The following ATPAF1 variants were observed in gnomAD, a reference collection of about 807,000 sequenced individuals.
The protein encoded by ATPAF1 is homolog of yeast ATP11.
In ATPAF1, 26 loss-of-function variants were observed where a neutral mutation model predicts 43.9. The observed-to-expected ratio is 0.59, with a 90% CI of 0.43 to 0.82. The LOEUF is 0.82. Ranked by LOEUF, ATPAF1 falls within the 40% of genes least tolerant of loss-of-function variation. ATPAF1 has a pLI of 0.00. For missense variants in ATPAF1, 366 were observed against 435.0 expected (o/e 0.84, Z 1.41); for synonymous variants, 157 against 168.0 (o/e 0.93, Z 0.50).
intron 2 of ATPAF1, among the ~76,000 whole-genome samples, chr1:46,659,841 AC>A (rs1186563900): frequency 2.0e-5 from 3 of 152,192 alleles, no homozygotes; most frequent in Non-Finnish European, 4.4e-5. Flanking sequence ...TAGAACCTGT[AC>A]CCACAAATTA....
chr1:46,633,726 A>AT (rs552037547), downstream of ATPAF1: 876 of 456,266 alleles, frequency 1.9e-3, 6 homozygotes, highest in African/African-American at 0.017. Context: ...TCCAGGAGGA[A>AT]TGATTAAAAC....
At chr1:46,633,664 A>G, downstream of ATPAF1, 1 of 447,432 alleles carries the variant, frequency 2.2e-6, no homozygotes. Flanking sequence ...GTCATGCCCC[A>G]CACATTTATC....
intron 8 of ATPAF1, among the ~76,000 whole-genome samples, chr1:46,639,168 CTT>C (rs1675900915): frequency 6.6e-6 from 1 of 152,122 alleles, no homozygotes; most frequent in South Asian, 2.1e-4. Context: ...TTTAATGACT[CTT>C]TTCATGCCCT....
At chr1:46,660,180 G>A (rs1268262921) in intron 2 of ATPAF1, among the ~76,000 whole-genome samples, 2 of 152,106 alleles carry the variant, frequency 1.3e-5, no homozygotes, top group African/African-American at 4.8e-5. Context: ...GTTTCACCAT[G>A]TTGGCCAGGC....
At chr1:46,635,908 T>C in exon 9 of ATPAF1, 3 of 1,614,262 alleles carry the variant, frequency 1.9e-6, no homozygotes, top group Non-Finnish European at 2.5e-6. Flanking sequence ...CGTAGGTCTC[T>C]TTCCGATCAG....
Position 46,653,840 on chromosome 1 carries a change from C to T in ATPAF1, c.517G>A (p.Asp173Asn). ...ACAGGAATAACTGCGTAGACTGTAT[C>T]TTTTGCTGCAAAATATTGCTGCCAA... The change falls in exon 5 of 9, where the codon GAT becomes AAT. Residue 173 changes from aspartate to asparagine, a missense_variant. Physicochemically the swap from Asp to Asn is conservative, Grantham distance 23. This residue lies in a region of ATPAF1 where 180 missense variants were observed against 266.5 expected (regional missense o/e 0.68). Transcript: ENST00000574428. The surrounding 1 kb of genome is among the most constrained non-coding windows in gnomAD (Gnocchi z 4.8). 6.2e-7 allele frequency: 1 copy of T among 1,611,122 alleles called. No homozygotes were observed. The highest frequency in any genetic ancestry group is 8.5e-7 in the Non-Finnish European group (1 of 1,178,804).
rs1449420291 is a variant in ATPAF1, at chr1:46,658,697, G to C, written c.416C>G (p.Thr139Ser). ...TAATTAGAAACCTACCTTGTCCTTAGTGAATCCTCTGTTCACAGACTGTTT... is the reference window on the plus strand; with the variant it reads ...TAATTAGAAACCTACCTTGTCCTTACTGAATCCTCTGTTCACAGACTGTTT... Residue 139 changes from threonine (T) to serine (S), a missense_variant, in exon 3 of 9, where the codon ACT becomes AGT. Around this residue, in one of 2 missense-constraint regions of ATPAF1, gnomAD observed 180 missense variants for 266.5 expected, o/e 0.68. Coordinates refer to ENST00000574428, the Ensembl canonical transcript of ATPAF1. 31 of 1,600,880 alleles carry C rather than the reference G, an allele frequency of 1.9e-5. 1 individual carries two copies. In the East Asian group the frequency reaches 6.3e-4, roughly 33 times the overall value.
At chr1:46,652,484 T>TAACTTATTAGTACAATC in intron 6 of ATPAF1, 97 bp downstream of exon 6, 365 of 1,233,994 alleles carry the variant, frequency 3.0e-4, no homozygotes, top group Non-Finnish European at 3.6e-4. Context: ...CAGAGCACTA[T>TAACTTATTAGTACAATC]AACATGTGAG....
intron 6 of ATPAF1, among the ~76,000 whole-genome samples, chr1:46,650,754 G>A (rs1015246972): frequency 2.0e-5 from 3 of 151,520 alleles, no homozygotes; most frequent in Non-Finnish European, 2.9e-5. Flanking sequence ...ATTATGTTAA[G>A]TGAAATAAGC....
chr1:46,649,688 C>T (rs1676126645), intron 6 of ATPAF1, among the ~76,000 whole-genome samples: 1 of 152,142 alleles, frequency 6.6e-6, no homozygotes, highest in Non-Finnish European at 1.5e-5. Flanking sequence ...CTTTGGGAGG[C>T]TGAGGCAGGA....
intron 8 of ATPAF1, among the ~76,000 whole-genome samples, chr1:46,639,514 G>C (rs1035764769): frequency 6.6e-6 from 1 of 152,180 alleles, no homozygotes; most frequent in Non-Finnish European, 1.5e-5. Context: ...TGACATAGAT[G>C]TGGAGCCAAA....
At chr1:46,661,371 C>T (rs910386415) in intron 2 of ATPAF1, among the ~76,000 whole-genome samples, 25 of 152,206 alleles carry the variant, frequency 1.6e-4, no homozygotes, top group African/African-American at 4.1e-4. Flanking sequence ...CCACTGCACC[C>T]GGTGGTTTTA....
At chr1:46,664,859 A>G in intron 2 of ATPAF1, 1 of 177,754 alleles carries the variant, frequency 5.6e-6, no homozygotes, top group Non-Finnish European at 1.2e-5. Context: ...TACAGAAAAA[A>G]TTTGATGACC....
chr1:46,656,761 T>C (rs1676280606), intron 4 of ATPAF1, among the ~76,000 whole-genome samples: 1 of 152,318 alleles, frequency 6.6e-6, no homozygotes, highest in Non-Finnish European at 1.5e-5. Context: ...ATGTTTTGTG[T>C]CCATGTTCCT....
chr1:46,636,869 T>C (rs916919431), intron 8 of ATPAF1, among the ~76,000 whole-genome samples: 2 of 152,208 alleles, frequency 1.3e-5, no homozygotes, highest in African/African-American at 2.4e-5. Flanking sequence ...AGGACATTCA[T>C]GCAGCCCTAT....
intron 6 of ATPAF1, among the ~76,000 whole-genome samples, chr1:46,650,068 T>C (rs1365733843): frequency 2.0e-5 from 3 of 152,236 alleles, no homozygotes; most frequent in East Asian, 1.9e-4. Flanking sequence ...TCATTACTGA[T>C]ACCAAGTTAG....
At chr1:46,659,979 C>CTT (rs202122351) in intron 2 of ATPAF1, among the ~76,000 whole-genome samples, 2 of 141,434 alleles carry the variant, frequency 1.4e-5, no homozygotes, top group African/African-American at 2.6e-5. Context: ...TTCTTTCTTT[C>CTT]TTTTTTTTTT....
At chr1:46,665,445 C>T in intron 1 of ATPAF1, 81 bp from the exon 2 acceptor site, 4 of 1,443,988 alleles carry the variant, frequency 2.8e-6, no homozygotes, top group Non-Finnish European at 3.8e-6. Context: ...TCCACCTCTA[C>T]AGAGAAAGGA....
At chr1:46,658,270 C>CA in intron 3 of ATPAF1, 81 bp from the exon 4 acceptor site, 1 of 1,090,072 alleles carries the variant, frequency 9.2e-7, no homozygotes, top group Non-Finnish European at 1.4e-6. Context: ...AAGCCTGTGG[C>CA]AAACATGTCA....
Sources: allele counts gnomAD v4.1 joint callset (sites outside exome capture counted in the v4.1 genomes callset), GRCh38; gene constraint gnomAD v4.1.1; regional missense constraint gnomAD v4.1.1; non-coding constraint Gnocchi (gnomAD v3.1); transcripts MANE v1.5; gene names NCBI Gene and HGNC (gene_info 2026-07-23, HGNC 2026-07-21).